Variants in CDK12 observed in about 807,000 individuals in gnomAD.
CDK12 encodes the protein cyclin-dependent kinase 12.
In CDK12, 17 loss-of-function variants were observed where a neutral mutation model predicts 133.8. The observed-to-expected ratio is 0.13, with a 90% CI of 0.09 to 0.19. The LOEUF (loss-of-function observed/expected upper bound fraction) is 0.19. Ranked by LOEUF, CDK12 falls within the 10% of genes least tolerant of loss-of-function variation. CDK12 has a pLI of 1.00. For synonymous variants in CDK12, 694 were observed against 683.6 expected (o/e 1.02, Z -0.24); for missense variants, 1,508 against 1,818.7 (o/e 0.83, Z 3.11).
chr17:39,483,094 G>A (rs112827977), intron 2 of CDK12, among the ~76,000 whole-genome samples: 2 of 151,164 alleles, frequency 1.3e-5, no homozygotes, highest in African/African-American at 4.9e-5. Flanking sequence ...TGTATTTTTC[G>A]TAGAGACGGG....
intron 1 of CDK12, among the ~76,000 whole-genome samples, chr17:39,539,714 G>A (rs1310426530): frequency 1.3e-5 from 2 of 152,100 alleles, no homozygotes; most frequent in African/African-American, 2.4e-5. Context: ...AATGCAGGTT[G>A]TAATATAAAA....
chr17:39,522,771 G>A (rs776399938), intron 11 of CDK12, among the ~76,000 whole-genome samples: 2 of 152,130 alleles, frequency 1.3e-5, no homozygotes, highest in Middle Eastern at 6.8e-3. Context: ...AAGATCTTTC[G>A]GTCGAGCGCG....
At chr17:39,488,796 G>A (rs2051338317) in intron 2 of CDK12, among the ~76,000 whole-genome samples, 1 of 151,958 alleles carries the variant, frequency 6.6e-6, no homozygotes, top group African/African-American at 2.4e-5. Context: ...TGTTGCCCAG[G>A]GTGGAGTGCA....
chr17:39,487,785 ATCTT>A (rs1403478100), intron 2 of CDK12, among the ~76,000 whole-genome samples: 3 of 151,822 alleles, frequency 2.0e-5, no homozygotes, highest in African/African-American at 7.3e-5. Flanking sequence ...TAATTTTTGT[ATCTT>A]TATTTAATAG....
intron 5 of CDK12, among the ~76,000 whole-genome samples, chr17:39,501,002 C>G (rs1174489758): frequency 6.6e-6 from 1 of 152,112 alleles, no homozygotes; most frequent in African/African-American, 2.4e-5. Flanking sequence ...TCCCAAAGTG[C>G]TGGGGTTACA....
intron 2 of CDK12, among the ~76,000 whole-genome samples, chr17:39,489,499 T>C (rs2051406239): frequency 1.4e-5 from 2 of 145,386 alleles, no homozygotes; most frequent in South Asian, 4.4e-4. Context: ...GTACTGTGCC[T>C]GTTCTAATTT....
At chr17:39,500,846 C>T (rs2052665879) in intron 5 of CDK12, among the ~76,000 whole-genome samples, 1 of 151,906 alleles carries the variant, frequency 6.6e-6, no homozygotes, top group South Asian at 2.1e-4. Context: ...CCCACCTCGG[C>T]CTCCCAAGTA....
rs759070577 is a variant in CDK12 at position 39,533,184 on chromosome 17, TTTA to T, written c.*1874_*1876del. 107 of 233,124 alleles carry T rather than the reference TTTA, an allele frequency of 4.6e-4. No individual in the cohort carries two copies. Among genetic ancestry groups the T allele is most frequent in the Non-Finnish European group, 8.3e-4 (98 of 117,864 alleles). 14.4% of individuals were successfully genotyped at this position (233,124 alleles called of 1,614,324 possible). A position where few individuals can be genotyped will look rare whatever the true frequency, so the allele number is the denominator to read the frequency against. On this transcript the variant is annotated 3_prime_UTR_variant, in exon 14 of 14. Coordinates refer to ENST00000447079, the MANE Select transcript of CDK12 (RefSeq NM_016507.4). ...AGCTAGATATCGGTGTGTGTATTTC[TTTA>T]TTATTCTCTGGTTTTTGATCTGGCC... is the stretch of plus-strand genomic sequence containing the variant.
At chr17:39,544,896 C>T (rs1037507604), upstream of CDK12, among the ~76,000 whole-genome samples, 1 of 152,180 alleles carries the variant, frequency 6.6e-6, no homozygotes, top group Non-Finnish European at 1.5e-5. Context: ...TCCCAAAGTG[C>T]TGGGATTACA....
At chr17:39,556,217 C>T (rs1195380785) in intron 2 of CDK12, 1 of 152,326 alleles carries the variant, frequency 6.6e-6, no homozygotes, top group Non-Finnish European at 1.5e-5. Context: ...CTATGCTTTT[C>T]TCTCTCTCAC....
chr17:39,531,213 T>C lies in CDK12; in HGVS notation c.4370T>C (p.Leu1457Pro). Residue 1457 changes from leucine (L) to proline (P), a missense_variant, in exon 14 of 14, where the codon CTT (leucine) becomes CCT (proline). Coordinates refer to ENST00000447079, the MANE Select transcript of CDK12 (RefSeq NM_016507.4). The part of the protein sequence containing the change: ...TTGASSSGAG[L>P]HWGGPTQSSA... ...GGGGCCAGCAGCTCAGGAGCAGGCC[T>C]TCACTGGGGGGGCCCAACTCAGTCT... The C allele has an allele frequency of 2.6e-6, 4 of 1,516,730 alleles. No individual in the cohort carries two copies. Among genetic ancestry groups the C allele is most frequent in the Non-Finnish European group, 3.5e-6 (4 of 1,134,446 alleles). The allele number at this position is 1,516,730 out of a possible 1,614,324, so 94.0% of individuals were successfully genotyped here. A position where few individuals can be genotyped will look rare whatever the true frequency, so the allele number is the denominator to read the frequency against.
rs765207917 is a variant in CDK12 at position 39,462,420 on chromosome 17, A to G, written c.349A>G (p.Arg117Gly). 17 of 1,614,172 alleles carry G rather than the reference A, an allele frequency of 1.1e-5. No individual in the cohort carries two copies. The South Asian group carries it at 1.8e-4, about 17-fold the overall frequency. ...GCACAAACATCGTCACCACCAGCAC[A>G]GGCGTTCCCGGGACTTACTAAAAGC... ...RLHKHRHHQH[R>G]RSRDLLKAKQ... The change falls in exon 1 of 14, where the codon AGG becomes GGG. Residue 117 changes from arginine to glycine, a missense_variant. By Grantham distance (125) the Arg-to-Gly change is moderately radical. Around this residue, in one of 9 missense-constraint regions of CDK12, gnomAD observed 460 missense variants for 490.8 expected, o/e 0.94. Transcript: ENST00000447079.
intron 1 of CDK12, among the ~76,000 whole-genome samples, chr17:39,542,256 G>A (rs544992941): frequency 1.7e-4 from 26 of 151,332 alleles, no homozygotes; most frequent in African/African-American, 6.1e-4. Context: ...GCGCGATCTC[G>A]GCTCACTGCA....
At chr17:39,494,126 C>G (rs1390160727) in intron 4 of CDK12, among the ~76,000 whole-genome samples, 2 of 152,130 alleles carry the variant, frequency 1.3e-5, no homozygotes. Flanking sequence ...GATGCGATCT[C>G]AGCTCACTGC....
chr17:39,480,674 T>C (rs1045963473), intron 2 of CDK12, among the ~76,000 whole-genome samples: 1 of 151,408 alleles, frequency 6.6e-6, no homozygotes, highest in Non-Finnish European at 1.5e-5. Context: ...CCACCTGCCT[T>C]GGCCTCCCAA....
intron 2 of CDK12, among the ~76,000 whole-genome samples, chr17:39,486,557 T>C (rs376290149): frequency 4.1e-4 from 62 of 152,212 alleles, no homozygotes; most frequent in African/African-American, 1.3e-3. Flanking sequence ...TGAGTCACCA[T>C]GCTCAGCCTG....
Position 39,476,711 on chromosome 17 carries a change from C to CTTTTTTTTTTTTTTTTTTTTTTT in CDK12, c.1931+4955_1931+4977dup, listed in dbSNP as rs879840168. Among the ~76,000 whole-genome samples the CTTTTTTTTTTTTTTTTTTTTTTT allele has an allele frequency of 3.4e-4, 29 of 84,522 alleles. 5 individuals carry two copies. Among genetic ancestry groups the CTTTTTTTTTTTTTTTTTTTTTTT allele is most frequent in the Non-Finnish European group, 4.4e-4 (21 of 48,026 alleles). The allele number at this position is 84,522 out of a possible 152,430, so 55.4% of individuals were successfully genotyped here. ...TACAGGCATGAGCCACCATGCCTGC[C>CTTTTTTTTTTTTTTTTTTTTTTT]TTTTTTTTTTTTTTTTTTTTTTTTT... On this transcript the variant is annotated intron_variant, in intron 2 of 13. Coordinates refer to ENST00000447079, the MANE Select transcript of CDK12 (RefSeq NM_016507.4).
At chr17:39,497,396 C>T (rs917599614) in intron 5 of CDK12, among the ~76,000 whole-genome samples, 7 of 151,868 alleles carry the variant, frequency 4.6e-5, no homozygotes, top group East Asian at 1.9e-4. Flanking sequence ...TGCGAAAATT[C>T]GCTGGGCATG....
At chr17:39,565,623 G>A (rs1274819729), downstream of CDK12, among the ~76,000 whole-genome samples, 1 of 151,596 alleles carries the variant, frequency 6.6e-6, no homozygotes, top group Non-Finnish European at 1.5e-5. Context: ...TAGTAGAGAT[G>A]AGGTTTCATC....
Sources: gnomAD v4.1 joint callset for allele counts (sites outside exome capture counted in the v4.1 genomes callset) on GRCh38, gnomAD v4.1.1 for gene constraint, gnomAD v4.1.1 regional missense constraint, MANE v1.5 for transcripts, NCBI Gene and HGNC (gene_info 2026-07-23, HGNC 2026-07-21) for gene names.